The following ADGRL4 variants were observed in gnomAD, a reference collection of about 807,000 sequenced individuals.
ADGRL4 encodes EGF, latrophilin and seven transmembrane domain containing 1.
A neutral mutation model predicts 74.8 loss-of-function variants in ADGRL4; 90 were observed. That is an observed-to-expected ratio of 1.20 (90% CI 1.02 to 1.43). The LOEUF is 1.43. ADGRL4 is among the 40% of genes most tolerant of loss of function. The pLI is 0.00. For missense variants in ADGRL4, 881 were observed against 814.3 expected, an observed-to-expected ratio of 1.08 and a Z score of -1.00; for synonymous variants, 311 against 279.2, an observed-to-expected ratio of 1.11 and a Z score of -1.14.
At chr1:78,893,058 CAAAAAAA>C (rs10640737) in intron 13 of ADGRL4, 33 bp downstream of exon 13, 4 of 848,794 alleles carry the variant, frequency 4.7e-6, no homozygotes, top group African/African-American at 4.2e-5. Flanking sequence ...TTTTAATTAC[CAAAAAAA>C]AAAAAAAAAA....
chr1:78,903,602 G>C (rs1648562283), intron 12 of ADGRL4, among the ~76,000 whole-genome samples: 1 of 152,078 alleles, frequency 6.6e-6, no homozygotes, highest in African/African-American at 2.4e-5. Context: ...GAAGTTTCTA[G>C]TAATGTTTTC....
At chr1:78,984,158 C>A (rs1185180114) in intron 2 of ADGRL4, among the ~76,000 whole-genome samples, 1 of 151,490 alleles carries the variant, frequency 6.6e-6, no homozygotes, top group Admixed American at 6.6e-5. Flanking sequence ...GTTTCTGGTA[C>A]AAAGTAAGAT....
intron 2 of ADGRL4, among the ~76,000 whole-genome samples, chr1:78,990,047 T>C (rs1650574994): frequency 6.6e-6 from 1 of 151,932 alleles, no homozygotes; most frequent in Admixed American, 6.6e-5. Context: ...TTTTGATCAA[T>C]CTTGATTGAA....
chr1:78,973,511 AAATGTAAC>A (rs200422574), intron 2 of ADGRL4, among the ~76,000 whole-genome samples: 2,157 of 151,638 alleles, frequency 0.014, 51 homozygotes, highest in African/African-American at 0.05. Flanking sequence ...AAATTAAATA[AAATGTAAC>A]ACACGCAAAT....
At chr1:78,916,589 A>G (rs1338056674) in intron 12 of ADGRL4, among the ~76,000 whole-genome samples, 1 of 151,938 alleles carries the variant, frequency 6.6e-6, no homozygotes, top group Non-Finnish European at 1.5e-5. Context: ...AGTAGAAAGT[A>G]TACTTTATGA....
rs771107037 is a variant in ADGRL4, at chr1:78,891,628, G to C, written c.1906C>G (p.Leu636Val). The change falls in exon 14 of 15, where the codon CTC (leucine) becomes GTC (valine). Residue 636 changes from leucine to valine, a missense_variant. Leu to Val is a conservative substitution (Grantham distance 32). Transcript: ENST00000370742. ...ACCACTGATGCGTGCACAACATGGAGAACCCCAAAGATCCAGGTGGTGCCG... is the reference window on the plus strand; with the variant it reads ...ACCACTGATGCGTGCACAACATGGACAACCCCAAAGATCCAGGTGGTGCCG... ...LLGTTWIFGV[L>V]HVVHASVVTA... 8 of 1,613,268 alleles carry C rather than the reference G, an allele frequency of 5.0e-6. No individual in the cohort carries two copies. The South Asian group carries it at 8.8e-5, about 18-fold the overall frequency.
intron 3 of ADGRL4, among the ~76,000 whole-genome samples, chr1:78,941,532 G>A (rs1377971317): frequency 2.6e-5 from 4 of 151,746 alleles, no homozygotes; most frequent in Non-Finnish European, 5.9e-5. Flanking sequence ...CAGTAAACAA[G>A]GTGGTTTTTT....
chr1:78,984,721 T>C (rs555880448), intron 2 of ADGRL4, among the ~76,000 whole-genome samples: 4 of 151,802 alleles, frequency 2.6e-5, no homozygotes, highest in Admixed American at 1.3e-4. Flanking sequence ...TAAAGAAATT[T>C]AGCTAGTTAA....
At chr1:78,974,639 T>A (rs554430461) in intron 2 of ADGRL4, among the ~76,000 whole-genome samples, 29 of 152,104 alleles carry the variant, frequency 1.9e-4, no homozygotes, top group Non-Finnish European at 3.2e-4. Flanking sequence ...GTCAGCTGGG[T>A]TGACCTCTTT....
chr1:78,967,735 G>A (rs560034195), intron 2 of ADGRL4, among the ~76,000 whole-genome samples: 2 of 152,098 alleles, frequency 1.3e-5, no homozygotes, highest in South Asian at 4.2e-4. Flanking sequence ...AGCACAACAA[G>A]GATTTCTTAA....
chr1:78,966,619 G>C (rs1187819870), intron 2 of ADGRL4, among the ~76,000 whole-genome samples: 2 of 152,050 alleles, frequency 1.3e-5, no homozygotes, highest in African/African-American at 4.8e-5. Flanking sequence ...TTTTTGGAAT[G>C]GACAGATGAG....
At chr1:78,892,517 C>T (rs1341246353) in intron 13 of ADGRL4, among the ~76,000 whole-genome samples, 2 of 152,064 alleles carry the variant, frequency 1.3e-5, no homozygotes, top group Non-Finnish European at 2.9e-5. Flanking sequence ...AACCAGTACA[C>T]TACATGAAAC....
chr1:78,903,226 G>A (rs2100656617), intron 12 of ADGRL4, among the ~76,000 whole-genome samples: 1 of 152,188 alleles, frequency 6.6e-6, no homozygotes, highest in South Asian at 2.1e-4. Flanking sequence ...GCATCATATT[G>A]TATGCATGCC....
chr1:79,004,194 T>C (rs775550534), intron 2 of ADGRL4, among the ~76,000 whole-genome samples: 3 of 152,156 alleles, frequency 2.0e-5, no homozygotes, highest in Non-Finnish European at 4.4e-5. Flanking sequence ...TTTAGGTGCA[T>C]AACACCCCAC....
chr1:78,960,714 C>A (rs1649933968), intron 2 of ADGRL4, among the ~76,000 whole-genome samples: 1 of 152,100 alleles, frequency 6.6e-6, no homozygotes, highest in Non-Finnish European at 1.5e-5. Context: ...GAATTAGGAA[C>A]TTTTCCAGGT....
intron 2 of ADGRL4, among the ~76,000 whole-genome samples, chr1:78,948,413 T>C (rs549191626): frequency 6.6e-6 from 1 of 152,008 alleles, no homozygotes; most frequent in Non-Finnish European, 1.5e-5. Flanking sequence ...ACTTAAAAAA[T>C]TTAAAATTTA....
At position 78,921,654 on chromosome 1, in the gene ADGRL4, G is replaced by C; in HGVS notation, c.1216C>G (p.Leu406Val). ...GACATCAAAATTGCAAAATGTGTCA[G>C]GTGATTACAGCGGCATGAGGTGTGG... Reference protein sequence around the residue: ...ETHTSCRCNHLTHFAILMSSG... With the variant: ...ETHTSCRCNHVTHFAILMSSG... Residue 406 changes from leucine to valine, a missense_variant, in exon 9 of 15, where the codon CTG becomes GTG. By Grantham distance (32) the Leu-to-Val change is conservative. Coordinates refer to ENST00000370742, the MANE Select transcript of ADGRL4 (RefSeq NM_022159.4). 1 of 1,589,194 alleles carries C rather than the reference G, an allele frequency of 6.3e-7. No individual in the cohort carries two copies. Among genetic ancestry groups the C allele is most frequent in the Non-Finnish European group, 8.6e-7 (1 of 1,168,616 alleles).
At chr1:78,931,820 C>CA (rs1649248377) in intron 7 of ADGRL4, among the ~76,000 whole-genome samples, 1 of 151,176 alleles carries the variant, frequency 6.6e-6, no homozygotes, top group Non-Finnish European at 1.5e-5. Flanking sequence ...CAATAAATAT[C>CA]AAAACAGACA....
chr1:78,958,417 G>A (rs959402421), intron 2 of ADGRL4, among the ~76,000 whole-genome samples: 12 of 152,134 alleles, frequency 7.9e-5, no homozygotes. Flanking sequence ...TGAATCATGG[G>A]AGGAGGTGAA....
Sources: gnomAD v4.1 joint callset for allele counts (sites outside exome capture counted in the v4.1 genomes callset) on GRCh38, gnomAD v4.1.1 for gene constraint, MANE v1.5 for transcripts, NCBI Gene and HGNC (gene_info 2026-07-23, HGNC 2026-07-21) for gene names.